Variants in CAND1 observed in about 807,000 individuals in gnomAD.
CAND1 encodes the protein cullin associated and neddylation dissociated 1, also known as cullin-associated NEDD8-dissociated protein 1.
CAND1 carries 7 observed loss-of-function variants against 108.5 expected under a neutral mutation model. That is an observed-to-expected ratio of 0.06 (90% CI 0.04 to 0.12). CAND1 has a LOEUF of 0.12. Ranked by LOEUF, CAND1 falls within the 10% of genes least tolerant of loss-of-function variation. The pLI is 1.00. For synonymous variants in CAND1, 534 were observed against 512.0 expected, an observed-to-expected ratio of 1.04 and a Z score of -0.58; for missense variants, 941 against 1,448.7, an observed-to-expected ratio of 0.65 and a Z score of 5.69.
rs974782658 is a variant in CAND1 at position 67,313,346 on chromosome 12, T to C, written c.*516T>C. ...GATTTGTTAACCATTTCAGAGAGTT[T>C]GGCAATTTTTAAAAGATAATAAGGT... On this transcript the variant is annotated 3_prime_UTR_variant, in exon 15 of 15. Coordinates refer to ENST00000545606, the MANE Select transcript of CAND1 (RefSeq NM_018448.5). 3 of 152,556 alleles carry C rather than the reference T, an allele frequency of 2.0e-5. No individual in the cohort carries two copies. The highest frequency in any genetic ancestry group is 3.9e-4 in the East Asian group (2 of 5,174). 9.5% of individuals were successfully genotyped at this position (152,556 alleles called of 1,614,324 possible).
rs769328343 is a variant in CAND1 at position 67,318,751 on chromosome 12, T to C, written c.*5921T>C. On this transcript the variant is annotated 3_prime_UTR_variant, in exon 15 of 15. Transcript: ENST00000545606. ...AAAGCTGTTGAGACTGTACTTGATA[T>C]GAAGAAGCTTGCTGATTATCATGGG... is the stretch of plus-strand genomic sequence containing the variant. The C allele has an allele frequency of 6.6e-6, 1 of 152,190 alleles. No individual in the cohort carries two copies. Among genetic ancestry groups the C allele is most frequent in the Non-Finnish European group, 1.5e-5 (1 of 68,058 alleles). The allele number at this position is 152,190 out of a possible 1,614,324, so 9.4% of individuals were successfully genotyped here.
intron 14 of CAND1, among the ~76,000 whole-genome samples, chr12:67,312,324 G>C (rs1392223582): frequency 6.6e-6 from 1 of 152,060 alleles, no homozygotes; most frequent in Non-Finnish European, 1.5e-5. Context: ...TGTGAGACTT[G>C]CTAAGCAGAT....
intron 4 of CAND1, among the ~76,000 whole-genome samples, chr12:67,296,354 A>G (rs1002286841): frequency 2.0e-5 from 3 of 152,170 alleles, no homozygotes; most frequent in Non-Finnish European, 4.4e-5. Flanking sequence ...AACTCAAGAG[A>G]AGGTCAGTTT....
chr12:67,291,877 T>C (rs2044725598), intron 2 of CAND1, among the ~76,000 whole-genome samples: 1 of 152,118 alleles, frequency 6.6e-6, no homozygotes, highest in Admixed American at 6.5e-5. Flanking sequence ...ATTGATTGAT[T>C]GATTAATTGA....
At chr12:67,272,235 C>T (rs546440311) in intron 1 of CAND1, among the ~76,000 whole-genome samples, 280 of 152,302 alleles carry the variant, frequency 1.8e-3, no homozygotes, top group Non-Finnish European at 3.4e-3. Flanking sequence ...TTTTATTATC[C>T]TCATGGTAGA....
At chr12:67,307,278 T>G (rs1157172589) in intron 10 of CAND1, 119 bp from the exon 11 acceptor site, 1 of 702,884 alleles carries the variant, frequency 1.4e-6, no homozygotes, top group African/African-American at 1.8e-5. Flanking sequence ...ATACCCTTCT[T>G]GGCCAAGGAG....
chr12:67,281,292 T>TGG (rs2044617778), intron 1 of CAND1, among the ~76,000 whole-genome samples: 1 of 151,762 alleles, frequency 6.6e-6, no homozygotes, highest in African/African-American at 2.4e-5. Context: ...ATCCTGCCAC[T>TGG]GCACTCCAGC....
intron 3 of CAND1, among the ~76,000 whole-genome samples, chr12:67,294,668 T>C (rs1299969436): frequency 6.6e-6 from 1 of 152,224 alleles, no homozygotes; most frequent in Non-Finnish European, 1.5e-5. Flanking sequence ...AAGAATCTGC[T>C]GACATCTGTA....
chr12:67,284,785 A>G (rs1329197399), intron 2 of CAND1, among the ~76,000 whole-genome samples: 1 of 151,798 alleles, frequency 6.6e-6, no homozygotes, highest in African/African-American at 2.4e-5. Context: ...CGCCCCCGAC[A>G]CACACACATA....
At chr12:67,307,281 C>T (rs763976789) in intron 10 of CAND1, 116 bp from the exon 11 acceptor site, 47 of 716,114 alleles carry the variant, frequency 6.6e-5, no homozygotes, top group Non-Finnish European at 8.4e-5. Flanking sequence ...CCCTTCTTGG[C>T]CAAGGAGAAT....
At chr12:67,281,584 C>G (rs978141454) in intron 1 of CAND1, among the ~76,000 whole-genome samples, 11 of 152,120 alleles carry the variant, frequency 7.2e-5, no homozygotes, top group Non-Finnish European at 1.6e-4. Context: ...TGAAAGAGTA[C>G]TCACTGTAGG....
chr12:67,274,289 A>G (rs2044549657), intron 1 of CAND1, among the ~76,000 whole-genome samples: 1 of 152,266 alleles, frequency 6.6e-6, no homozygotes, highest in Non-Finnish European at 1.5e-5. Flanking sequence ...TGAATAACCC[A>G]GGGCAATATG....
intron 2 of CAND1, among the ~76,000 whole-genome samples, chr12:67,290,735 A>C (rs1169053808): frequency 2.6e-5 from 4 of 152,136 alleles, no homozygotes; most frequent in Non-Finnish European, 5.9e-5. Flanking sequence ...AATAATTTTG[A>C]ATACAGTGAC....
intron 11 of CAND1, among the ~76,000 whole-genome samples, chr12:67,308,761 G>T (rs1466264380): frequency 6.6e-6 from 1 of 151,960 alleles, no homozygotes; most frequent in Non-Finnish European, 1.5e-5. Context: ...AAATAAAGGG[G>T]AGGGGAGATT....
intron 3 of CAND1, 198 bp from the exon 4 acceptor site, chr12:67,294,835 T>C (rs1488851560): frequency 8.1e-6 from 3 of 368,546 alleles, no homozygotes; most frequent in Non-Finnish European, 1.5e-5. Flanking sequence ...TTGTTAAATA[T>C]TTGGTCTAAT....
At chr12:67,290,740 A>G (rs1393131524) in intron 2 of CAND1, among the ~76,000 whole-genome samples, 1 of 152,152 alleles carries the variant, frequency 6.6e-6, no homozygotes, top group Non-Finnish European at 1.5e-5. Context: ...TTTTGAATAC[A>G]GTGACTTCTT....
intron 4 of CAND1, 92 bp from the exon 5 acceptor site, chr12:67,297,315 A>G: frequency 8.6e-7 from 1 of 1,166,428 alleles, no homozygotes; most frequent in Non-Finnish European, 1.3e-6. Flanking sequence ...TGTTCTGAAT[A>G]TTTGCATTGA....
At position 67,317,955 on chromosome 12, in the gene CAND1, G is replaced by T. The variant is rs188282224; in HGVS notation, c.*5125G>T. On this transcript the variant is annotated 3_prime_UTR_variant, in exon 15 of 15. Transcript: ENST00000545606. ...TTGCTGATGGCATCCCATTTACCCA[G>T]TCATTCAAACTGGAAATCTAAAAGC... is the stretch of plus-strand genomic sequence containing the variant. 3 of 152,320 alleles carry T rather than the reference G, an allele frequency of 2.0e-5. No homozygotes were observed. The highest frequency in any genetic ancestry group is 6.5e-5 in the Admixed American group (1 of 15,298). The allele number at this position is 152,320 out of a possible 1,614,324, so 9.4% of individuals were successfully genotyped here. A position where few individuals can be genotyped will look rare whatever the true frequency, so the allele number is the denominator to read the frequency against.
Position 67,269,604 on chromosome 12 carries a change from G to A in CAND1, c.-114G>A. The A allele has an allele frequency of 2.3e-6, 2 of 879,244 alleles. No homozygotes were observed. Among genetic ancestry groups the A allele is most frequent in the Non-Finnish European group, 3.5e-6 (2 of 571,182 alleles). 54.5% of individuals were successfully genotyped at this position (879,244 alleles called of 1,614,324 possible). A position where few individuals can be genotyped will look rare whatever the true frequency, so the allele number is the denominator to read the frequency against. On this transcript the variant is annotated 5_prime_UTR_variant, in exon 1 of 15. Coordinates refer to ENST00000545606, the MANE Select transcript of CAND1 (RefSeq NM_018448.5). ...AGCGTCGGCGTCGCGCTGCGACCCT[G>A]GAAGCGGGAGCCGCCGCGAGCGAGA...
Sources: gnomAD v4.1 joint callset for allele counts (sites outside exome capture counted in the v4.1 genomes callset) on GRCh38, gnomAD v4.1.1 for gene constraint, MANE v1.5 for transcripts, NCBI Gene and HGNC (gene_info 2026-07-23, HGNC 2026-07-21) for gene names.